The following SPECC1L variants were observed in gnomAD, a reference collection of about 807,000 sequenced individuals.
The protein encoded by SPECC1L is sperm antigen with calponin homology and coiled-coil domains 1 like.
A neutral mutation model predicts 116.8 loss-of-function variants in SPECC1L; 40 were observed. The ratio of observed to expected loss-of-function variants is 0.34; its 90% CI spans 0.27 to 0.45. The LOEUF (loss-of-function observed/expected upper bound fraction) is 0.45. Ranked by LOEUF, SPECC1L falls within the 20% of genes least tolerant of loss-of-function variation. The pLI is 1.00. For missense variants in SPECC1L, 1,110 were observed against 1,373.6 expected, an observed-to-expected ratio of 0.81 and a Z score of 3.03; for synonymous variants, 504 against 500.6, an observed-to-expected ratio of 1.01 and a Z score of -0.09.
At chr22:24,302,057 AAAAT>A in intron 2 of SPECC1L, 134 bp from the exon 3 acceptor site, 1 of 695,454 alleles carries the variant, frequency 1.4e-6, no homozygotes, top group Non-Finnish European at 2.4e-6. Flanking sequence ...AAAAAAAAAA[AAAAT>A]TTTTTTTCAA....
At chr22:24,375,515 C>G (rs1370885853) in intron 14 of SPECC1L, among the ~76,000 whole-genome samples, 1 of 152,128 alleles carries the variant, frequency 6.6e-6, no homozygotes, top group East Asian at 1.9e-4. Flanking sequence ...TACTGTAATA[C>G]CATATTATTA....
intron 14 of SPECC1L, among the ~76,000 whole-genome samples, chr22:24,374,347 C>T (rs1481377249): frequency 6.6e-6 from 1 of 151,906 alleles, no homozygotes; most frequent in Non-Finnish European, 1.5e-5. Flanking sequence ...GCACTATTCA[C>T]AATAGCAAAG....
intron 14 of SPECC1L, among the ~76,000 whole-genome samples, chr22:24,390,219 C>T (rs1171145139): frequency 1.3e-5 from 2 of 151,864 alleles, no homozygotes; most frequent in East Asian, 1.9e-4. Context: ...TTCCTTTTCT[C>T]ACCCTTCCAC....
chr22:24,408,543 G>C (rs2042633746), intron 14 of SPECC1L, among the ~76,000 whole-genome samples: 1 of 152,216 alleles, frequency 6.6e-6, no homozygotes, highest in Non-Finnish European at 1.5e-5. Context: ...AGGTAGCCAG[G>C]TCAGACTGTC....
At position 24,375,657 on chromosome 22, in the gene SPECC1L, A is replaced by G. The variant is rs139752896; in HGVS notation, c.3087+6337A>G. ...TTTCTCAATCTAATAAAGGGTACCTATGAAAACCCACAGTTGGCTGGGCAC... is the reference window on the plus strand; with the variant it reads ...TTTCTCAATCTAATAAAGGGTACCTGTGAAAACCCACAGTTGGCTGGGCAC... On this transcript the variant is annotated intron_variant, in intron 14 of 16. Coordinates refer to ENST00000314328, the MANE Select transcript of SPECC1L (RefSeq NM_015330.6). Among the ~76,000 whole-genome samples, 6 of 152,374 alleles carry G rather than the reference A, an allele frequency of 3.9e-5. No individual in the cohort carries two copies. The East Asian group carries it at 7.7e-4, about 20-fold the overall frequency.
intron 14 of SPECC1L, among the ~76,000 whole-genome samples, chr22:24,371,781 G>C (rs780345258): frequency 1.3e-5 from 2 of 152,224 alleles, no homozygotes; most frequent in African/African-American, 2.4e-5. Flanking sequence ...GACTGCAGTG[G>C]TGCGACCTTG....
In SPECC1L at chr22:24,296,404, A is replaced by G. The variant is rs182108971; in HGVS notation, c.-37-5791A>G. On this transcript the variant is annotated intron_variant, in intron 2 of 16. Coordinates refer to ENST00000314328, the MANE Select transcript of SPECC1L (RefSeq NM_015330.6). ...TTAAGAAACACTGTTTGACAAATACATGAGGCATACTTCATGGACTATTGT... is the reference window on the plus strand; with the variant it reads ...TTAAGAAACACTGTTTGACAAATACGTGAGGCATACTTCATGGACTATTGT... Among the ~76,000 whole-genome samples, 10 of 152,374 alleles carry G rather than the reference A, an allele frequency of 6.6e-5. No homozygotes were observed. The East Asian group carries it at 1.9e-3, about 29-fold the overall frequency.
chr22:24,357,056 TG>T (rs11353560), intron 11 of SPECC1L, among the ~76,000 whole-genome samples: 119,879 of 151,584 alleles, frequency 0.79, 48,278 homozygotes, highest in African/African-American at 0.95. Context: ...AATAATCCCC[TG>T]GGGGGGCAAA....
intron 2 of SPECC1L, among the ~76,000 whole-genome samples, chr22:24,301,142 C>T (rs1423335327): frequency 1.3e-5 from 2 of 152,170 alleles, no homozygotes; most frequent in East Asian, 3.8e-4. Flanking sequence ...TAAAGAGCTT[C>T]TGCACAGCAA....
chr22:24,327,302 A>AC (rs1601560078), intron 6 of SPECC1L, among the ~76,000 whole-genome samples: 1 of 145,962 alleles, frequency 6.9e-6, no homozygotes, highest in Non-Finnish European at 1.5e-5. Context: ...AAAAAAAAAA[A>AC]CATCAGAACA....
intron 3 of SPECC1L, among the ~76,000 whole-genome samples, chr22:24,309,895 A>T (rs1228398185): frequency 1.3e-5 from 2 of 152,172 alleles, no homozygotes; most frequent in African/African-American, 4.8e-5. Context: ...TTTTCAGCAT[A>T]TGAAACACTA....
chr22:24,295,122 G>C (rs951892729), intron 2 of SPECC1L, among the ~76,000 whole-genome samples: 2 of 151,002 alleles, frequency 1.3e-5, no homozygotes, highest in Admixed American at 6.6e-5. Flanking sequence ...TCCCAGAGCT[G>C]TGAACCCTGT....
At chr22:24,358,727 G>A (rs1196418769) in intron 11 of SPECC1L, among the ~76,000 whole-genome samples, 1 of 152,134 alleles carries the variant, frequency 6.6e-6, no homozygotes, top group South Asian at 2.1e-4. Flanking sequence ...CAGTAAGACT[G>A]GGTTTTCGAC....
intron 3 of SPECC1L, among the ~76,000 whole-genome samples, chr22:24,305,978 A>G (rs1004747573): frequency 7.3e-5 from 11 of 151,592 alleles, no homozygotes; most frequent in East Asian, 1.9e-4. Flanking sequence ...CTGGAGTGCA[A>G]TGGCGCCATC....
chr22:24,295,783 A>G (rs967342551), intron 2 of SPECC1L, among the ~76,000 whole-genome samples: 1 of 152,114 alleles, frequency 6.6e-6, no homozygotes, highest in Non-Finnish European at 1.5e-5. Flanking sequence ...ACCTGTCTCT[A>G]GTAAAAATAC....
chr22:24,341,325 C>T (rs1274597094), intron 10 of SPECC1L, among the ~76,000 whole-genome samples: 1 of 152,144 alleles, frequency 6.6e-6, no homozygotes, highest in East Asian at 1.9e-4. Flanking sequence ...GAATAATTTT[C>T]CAGGAACAAT....
At chr22:24,313,278 C>G in intron 3 of SPECC1L, 35 bp from the exon 4 acceptor site, 1 of 1,611,004 alleles carries the variant, frequency 6.2e-7, no homozygotes, top group Non-Finnish European at 8.5e-7. Context: ...CTTGCTTGAT[C>G]TAGTAAATTT....
At chr22:24,334,692 A>T in intron 9 of SPECC1L, 119 bp downstream of exon 9, 1 of 1,091,246 alleles carries the variant, frequency 9.2e-7, no homozygotes, top group African/African-American at 1.5e-5. Context: ...ACTTTCATAT[A>T]GTATTAATGC....
At chr22:24,371,505 T>G (rs1455039785) in intron 14 of SPECC1L, among the ~76,000 whole-genome samples, 1 of 152,210 alleles carries the variant, frequency 6.6e-6, no homozygotes, top group Non-Finnish European at 1.5e-5. Flanking sequence ...TTCTTCATTT[T>G]TTTCTGATCA....
Sources: allele counts gnomAD v4.1 joint callset (sites outside exome capture counted in the v4.1 genomes callset), GRCh38; gene constraint gnomAD v4.1.1; transcripts MANE v1.5; gene names NCBI Gene and HGNC (gene_info 2026-07-23, HGNC 2026-07-21).